The following TMEM255B variants were observed in gnomAD, a reference collection of about 807,000 sequenced individuals.
The protein encoded by TMEM255B is transmembrane protein 255B.
Under a neutral mutation model 34.5 loss-of-function variants are expected in TMEM255B, and 35 were observed. That is an observed-to-expected ratio of 1.01 (90% CI 0.77 to 1.34). TMEM255B has a LOEUF of 1.34. TMEM255B is among the 40% of genes most tolerant of loss of function. TMEM255B has a pLI of 0.00. For missense variants in TMEM255B, 432 were observed against 433.2 expected (o/e 1.00, Z 0.02); for synonymous variants, 206 against 201.2 (o/e 1.02, Z -0.20).
At chr13:113,774,599 TGAC>T (rs1209339881) in intron 3 of TMEM255B, among the ~76,000 whole-genome samples, 1 of 80,490 alleles carries the variant, frequency 1.2e-5, no homozygotes, top group East Asian at 2.8e-4. Context: ...AACACACAAA[TGAC>T]ACACACCACA....
Position 113,801,832 on chromosome 13 carries a change from C to G in TMEM255B, c.669+20C>G, listed in dbSNP as rs1422297427. 1 of 1,573,190 alleles carries G rather than the reference C, an allele frequency of 6.4e-7. No individual in the cohort carries two copies. The highest frequency in any genetic ancestry group is 1.8e-5 in the Admixed American group (1 of 55,240). On this transcript the variant is annotated intron_variant, in intron 7 of 8. Coordinates refer to ENST00000375353, the MANE Select transcript of TMEM255B (RefSeq NM_182614.4). ...GACATGGTGAGGCCCCTTGGTGGGA[C>G]CCCCGCTGCTCACTGGGAGCCGGGG...
At chr13:113,775,715 G>T (rs778839564) in intron 3 of TMEM255B, among the ~76,000 whole-genome samples, 1 of 152,252 alleles carries the variant, frequency 6.6e-6, no homozygotes, top group South Asian at 2.1e-4. Context: ...GGCACAGGCG[G>T]CCACACTCGC....
At chr13:113,780,324 G>A (rs943079265) in intron 3 of TMEM255B, among the ~76,000 whole-genome samples, 1 of 152,170 alleles carries the variant, frequency 6.6e-6, no homozygotes, top group African/African-American at 2.4e-5. Flanking sequence ...ATTGTGTCCT[G>A]TTACAAAAGA....
At chr13:113,773,505 G>A (rs184781613) in intron 3 of TMEM255B, among the ~76,000 whole-genome samples, 175 of 152,348 alleles carry the variant, frequency 1.1e-3, no homozygotes, top group African/African-American at 3.1e-3. Context: ...TGCCAGAGCC[G>A]TGTGGTGTTC....
intron 8 of TMEM255B, among the ~76,000 whole-genome samples, chr13:113,805,239 C>T (rs35026066): frequency 0.13 from 19,764 of 152,236 alleles, 1,743 homozygotes; most frequent in Non-Finnish European, 0.19. Context: ...CCTGGTGACC[C>T]GCCACCATGC....
At chr13:113,802,255 C>T (rs1188062853) in intron 7 of TMEM255B, among the ~76,000 whole-genome samples, 3 of 152,296 alleles carry the variant, frequency 2.0e-5, no homozygotes, top group Non-Finnish European at 4.4e-5. Context: ...AGGGGCCCCT[C>T]GCGGGAGGTG....
intron 3 of TMEM255B, among the ~76,000 whole-genome samples, chr13:113,775,470 G>A (rs1020780749): frequency 6.6e-6 from 1 of 152,252 alleles, no homozygotes; most frequent in African/African-American, 2.4e-5. Flanking sequence ...TGGTTTCTGG[G>A]ATCCCTGGAT....
At chr13:113,778,368 G>A (rs572465649) in intron 3 of TMEM255B, among the ~76,000 whole-genome samples, 7 of 152,324 alleles carry the variant, frequency 4.6e-5, no homozygotes, top group Non-Finnish European at 1.0e-4. Flanking sequence ...ATCACCTGTG[G>A]TGCCATGGCG....
At chr13:113,784,582 GAGA>G (rs1435810068) in intron 3 of TMEM255B, among the ~76,000 whole-genome samples, 4 of 152,180 alleles carry the variant, frequency 2.6e-5, no homozygotes, top group Non-Finnish European at 4.4e-5. Flanking sequence ...GGAGAAGGAG[GAGA>G]AGGAGAGAAG....
intron 4 of TMEM255B, among the ~76,000 whole-genome samples, chr13:113,795,933 AAC>A (rs1453810370): frequency 7.0e-6 from 1 of 143,562 alleles, no homozygotes; most frequent in Non-Finnish European, 1.5e-5. Context: ...CACACCACAC[AAC>A]ACACAGAGCA....
At chr13:113,799,910 T>C in intron 5 of TMEM255B, 2 of 1,244,466 alleles carry the variant, frequency 1.6e-6, no homozygotes, top group Non-Finnish European at 2.1e-6. Context: ...GCTCTCTGTG[T>C]GTCTCGCACC....
chr13:113,763,066 T>G (rs547187111), intron 1 of TMEM255B, among the ~76,000 whole-genome samples: 14 of 152,270 alleles, frequency 9.2e-5, no homozygotes, highest in African/African-American at 3.4e-4. Context: ...GAAGCGGGAA[T>G]TGTGTGAGTT....
intron 3 of TMEM255B, among the ~76,000 whole-genome samples, chr13:113,782,808 GC>G: frequency 6.6e-6 from 1 of 152,194 alleles, no homozygotes; most frequent in East Asian, 1.9e-4. Flanking sequence ...ACAAGCTTTT[GC>G]CCAGTGTCCA....
At chr13:113,765,923 G>A (rs1004508817) in intron 1 of TMEM255B, among the ~76,000 whole-genome samples, 192 bp from the exon 2 acceptor site, 1 of 152,228 alleles carries the variant, frequency 6.6e-6, no homozygotes, top group Non-Finnish European at 1.5e-5. Context: ...CCAGTATAGT[G>A]GCTTATGGTC....
chr13:113,778,954 G>T (rs2050625008), intron 3 of TMEM255B, among the ~76,000 whole-genome samples: 1 of 152,236 alleles, frequency 6.6e-6, no homozygotes, highest in African/African-American at 2.4e-5. Flanking sequence ...TTATGTTGGA[G>T]AATAAACCCT....
At chr13:113,801,836 C>T (rs779162861) in intron 7 of TMEM255B, 24 bp downstream of exon 7, 70 of 1,561,632 alleles carry the variant, frequency 4.5e-5, no homozygotes, top group South Asian at 2.2e-4. Context: ...GTGGGACCCC[C>T]GCTGCTCACT....
Position 113,804,966 on chromosome 13 carries a change from G to C in TMEM255B, c.751G>C (p.Ala251Pro). 3 of 1,606,532 alleles carry C rather than the reference G, an allele frequency of 1.9e-6. No homozygotes were observed. Among genetic ancestry groups the C allele is most frequent in the Non-Finnish European group, 2.5e-6 (3 of 1,179,762 alleles). The change falls in exon 8 of 9, where the codon GCA (alanine) becomes CCA (proline). Residue 251 changes from alanine to proline, a missense_variant. Transcript: ENST00000375353. ...CCCCGCCCAGCAGATCCTGGCCTAC[G>C]CAGGCTTCCGCCTGACGCCCGAGCC... ...YNPAQQILAY[A>P]GFRLTPEPVP...
At chr13:113,774,143 A>T (rs1273762634) in intron 3 of TMEM255B, among the ~76,000 whole-genome samples, 4 of 132,590 alleles carry the variant, frequency 3.0e-5, no homozygotes, top group Non-Finnish European at 6.2e-5. Context: ...TTCTCTTCCT[A>T]TGTTGTTTAG....
intron 7 of TMEM255B, among the ~76,000 whole-genome samples, chr13:113,802,623 T>C (rs1299302726): frequency 7.1e-6 from 1 of 140,146 alleles, no homozygotes; most frequent in African/African-American, 2.5e-5. Context: ...CCTGAGCGGC[T>C]TCTCCATGCC....
Sources: gnomAD v4.1 joint callset for allele counts (sites outside exome capture counted in the v4.1 genomes callset) on GRCh38, gnomAD v4.1.1 for gene constraint, MANE v1.5 for transcripts, NCBI Gene and HGNC (gene_info 2026-07-23, HGNC 2026-07-21) for gene names.